C9orf85: variants seen among roughly 807,000 people sequenced by gnomAD.
C9orf85 encodes chromosome 9 open reading frame 85.
C9orf85 carries 16 observed loss-of-function variants against 14.9 expected under a neutral mutation model. The ratio of observed to expected loss-of-function variants is 1.08; its 90% CI spans 0.73 to 1.63. The LOEUF (loss-of-function observed/expected upper bound fraction) is 1.63. Ranked by LOEUF, C9orf85 falls within the 40% of genes most tolerant of loss-of-function variation. The pLI is 0.00. For missense variants in C9orf85, 172 were observed against 186.1 expected, an observed-to-expected ratio of 0.92 and a Z score of 0.44; for synonymous variants, 45 against 56.8, an observed-to-expected ratio of 0.79 and a Z score of 0.93.
intron 2 of C9orf85, among the ~76,000 whole-genome samples, chr9:71,971,288 G>A (rs1822854989): frequency 6.6e-6 from 1 of 152,136 alleles, no homozygotes; most frequent in South Asian, 2.1e-4. Flanking sequence ...AAAATTTTAA[G>A]AGTGGATAAA....
rs1372318044 is a variant in C9orf85 at position 71,972,815 on chromosome 9, C to T, written c.447C>T (p.Asp149=). The change falls in exon 4 of 4, where the codon GAC becomes GAT. Residue 149 remains aspartate (D), a synonymous_variant. Coordinates refer to ENST00000334731, the MANE Select transcript of C9orf85 (RefSeq NM_182505.5). ...DDLDFDIDLE[D]TGGDHQMN is the part of the protein sequence containing the mutation. ...TAGATTTTGATATTGATTTAGAAGACACAGGAGGAGACCATCAAATGAATT... is the reference window on the plus strand; with the variant it reads ...TAGATTTTGATATTGATTTAGAAGATACAGGAGGAGACCATCAAATGAATT... 1.2e-6 allele frequency: 2 copies of T among 1,609,212 alleles called. No homozygotes were observed. The highest frequency in any genetic ancestry group is 1.7e-5 in the Admixed American group (1 of 59,684).
In C9orf85 at chr9:71,956,627, T is replaced by C. The variant is rs1589264601; in HGVS notation, c.209+9515T>C. Among the ~76,000 whole-genome samples the C allele has an allele frequency of 3.3e-5, 5 of 152,292 alleles. 1 individual carries two copies. Among genetic ancestry groups the C allele is most frequent in the Admixed American group, 3.3e-4 (5 of 15,286 alleles). On this transcript the variant is annotated intron_variant, in intron 2 of 3. Transcript: ENST00000334731. ...AAAATGTCCTAAAATCTGAAACTTTTTGAGTGCCAACATAATGCTCAAAGG... is the reference window on the plus strand; with the variant it reads ...AAAATGTCCTAAAATCTGAAACTTTCTGAGTGCCAACATAATGCTCAAAGG...
intron 1 of C9orf85, among the ~76,000 whole-genome samples, chr9:71,926,421 C>T (rs750007084): frequency 9.9e-5 from 15 of 151,972 alleles, no homozygotes; most frequent in Non-Finnish European, 1.5e-4. Context: ...TAGATTTAGG[C>T]CCTCATTTAT....
chr9:71,956,310 C>T lies in C9orf85; in HGVS notation c.209+9198C>T, dbSNP rs148764432. Among the ~76,000 whole-genome samples the T allele has an allele frequency of 1.2e-3, 165 of 135,014 alleles. 1 individual carries two copies. Among genetic ancestry groups the T allele is most frequent in the African/African-American group, 3.9e-3 (137 of 35,404 alleles). 88.6% of individuals were successfully genotyped at this position (135,014 alleles called of 152,430 possible). A position where few individuals can be genotyped will look rare whatever the true frequency, so the allele number is the denominator to read the frequency against. Reference sequence around the variant, plus strand: ...TTGTTGCCCAGGCTGGAGTGTAATGCGCGATCTTGGCTCGCCACAACCTCC... The same window carrying T: ...TTGTTGCCCAGGCTGGAGTGTAATGTGCGATCTTGGCTCGCCACAACCTCC... On this transcript the variant is annotated intron_variant, in intron 2 of 3. Transcript: ENST00000334731.
rs1321470610 is a variant in C9orf85, at chr9:71,973,137, T to G, written c.*295T>G. The G allele has an allele frequency of 6.1e-6, 1 of 164,628 alleles. No homozygotes were observed. The highest frequency in any genetic ancestry group is 1.3e-5 in the Non-Finnish European group (1 of 76,002). 10.2% of individuals were successfully genotyped at this position (164,628 alleles called of 1,614,324 possible). A position where few individuals can be genotyped will look rare whatever the true frequency, so the allele number is the denominator to read the frequency against. On this transcript the variant is annotated 3_prime_UTR_variant, in exon 4 of 4. Transcript: ENST00000334731. ...TCCAGCCTGGGTGACAGAGTGAGAC[T>G]CTGTCTCAAAAAAAATAAAATAAAA...
rs567307024 is a variant in C9orf85 at position 71,947,331 on chromosome 9, A to G, written c.209+219A>G. 2.6e-5 allele frequency among the ~76,000 whole-genome samples: 4 copies of G among 152,314 alleles called. No individual in the cohort carries two copies. In the East Asian group the frequency reaches 7.7e-4, roughly 29 times the overall value. On this transcript the variant is annotated intron_variant, in intron 2 of 3. Transcript: ENST00000334731. ...TCATCATTTCCTGCCCCATTCTTTC[A>G]TAAATATGCATCATTTTTATAGAAC...
At chr9:71,963,073 G>C (rs1392400807) in intron 2 of C9orf85, among the ~76,000 whole-genome samples, 1 of 152,074 alleles carries the variant, frequency 6.6e-6, no homozygotes, top group Non-Finnish European at 1.5e-5. Context: ...AAAAAAGGTT[G>C]TGTTACTATG....
intron 1 of C9orf85, among the ~76,000 whole-genome samples, chr9:71,936,502 T>G (rs1369786628): frequency 6.6e-6 from 1 of 152,102 alleles, no homozygotes; most frequent in East Asian, 1.9e-4. Flanking sequence ...ATAAAGTGAT[T>G]GGCATTCAAA....
chr9:71,971,724 A>T, intron 3 of C9orf85, 106 bp downstream of exon 3: 1 of 720,234 alleles, frequency 1.4e-6, no homozygotes, highest in Non-Finnish European at 2.3e-6. Context: ...CTGTAATCCC[A>T]GTACTTTGGG....
intron 3 of C9orf85, among the ~76,000 whole-genome samples, chr9:71,981,481 G>A (rs1433402072): frequency 2.0e-5 from 3 of 152,182 alleles, no homozygotes; most frequent in Non-Finnish European, 4.4e-5. Context: ...CTGCATTAAG[G>A]AGTTGGAAGC....
intron 1 of C9orf85, among the ~76,000 whole-genome samples, chr9:71,930,187 G>A (rs1828037371): frequency 6.6e-6 from 1 of 151,822 alleles, no homozygotes; most frequent in African/African-American, 2.4e-5. Context: ...CTTTTGTCTG[G>A]ACACCTGACC....
intron 2 of C9orf85, among the ~76,000 whole-genome samples, chr9:71,966,678 A>C (rs1033278300): frequency 3.9e-5 from 6 of 152,206 alleles, no homozygotes; most frequent in African/African-American, 1.4e-4. Flanking sequence ...TTGATGTTAC[A>C]GAGAGAATGG....
intron 1 of C9orf85, among the ~76,000 whole-genome samples, chr9:71,940,680 A>G (rs1263755116): frequency 6.6e-6 from 1 of 152,214 alleles, no homozygotes; most frequent in Non-Finnish European, 1.5e-5. Context: ...ATAGTTTCTT[A>G]TAAAATTAAG....
Position 71,973,169 on chromosome 9 carries a change from T to G in C9orf85, c.*327T>G, listed in dbSNP as rs1822932800. ...CAAAAAAAATAAAATAAAAAGTCAA[T>G]TTAGAATGTGAAATTCTGACCACCT... On this transcript the variant is annotated 3_prime_UTR_variant, in exon 4 of 4. Transcript: ENST00000334731. The G allele has an allele frequency of 6.5e-6, 1 of 154,298 alleles. No homozygotes were observed. Among genetic ancestry groups the G allele is most frequent in the Non-Finnish European group, 1.4e-5 (1 of 69,370 alleles). The allele number at this position is 154,298 out of a possible 1,614,324, so 9.6% of individuals were successfully genotyped here.
At chr9:71,948,751 T>A (rs1339148639) in intron 2 of C9orf85, among the ~76,000 whole-genome samples, 2 of 150,530 alleles carry the variant, frequency 1.3e-5, no homozygotes, top group Non-Finnish European at 3.0e-5. Flanking sequence ...CTCAAACTCC[T>A]GACCTGAAGT....
chr9:71,948,193 T>C (rs941541593), intron 2 of C9orf85, among the ~76,000 whole-genome samples: 1 of 152,194 alleles, frequency 6.6e-6, no homozygotes, highest in African/African-American at 2.4e-5. Flanking sequence ...TTCTGACTAT[T>C]CAATAGTTTC....
At chr9:71,932,753 T>G (rs906265456) in intron 1 of C9orf85, among the ~76,000 whole-genome samples, 5 of 152,080 alleles carry the variant, frequency 3.3e-5, no homozygotes, top group African/African-American at 1.2e-4. Flanking sequence ...ATATGGCTCA[T>G]TCAAAGGAAA....
At chr9:71,945,690 T>C (rs1398871645) in intron 1 of C9orf85, among the ~76,000 whole-genome samples, 1 of 152,244 alleles carries the variant, frequency 6.6e-6, no homozygotes, top group Non-Finnish European at 1.5e-5. Context: ...TGTTCAAAAA[T>C]TGTTTCTTTC....
intron 1 of C9orf85, among the ~76,000 whole-genome samples, chr9:71,922,564 TG>T (rs1827839294): frequency 6.6e-6 from 1 of 152,200 alleles, no homozygotes; most frequent in South Asian, 2.1e-4. Flanking sequence ...TTGCTGTGTT[TG>T]TTTCTCCTTA....
Sources: allele counts gnomAD v4.1 joint callset (sites outside exome capture counted in the v4.1 genomes callset), GRCh38; gene constraint gnomAD v4.1.1; transcripts MANE v1.5; gene names NCBI Gene and HGNC (gene_info 2026-07-23, HGNC 2026-07-21).